Variants in SLC4A4 observed in about 807,000 individuals in gnomAD.
The protein encoded by SLC4A4 is electrogenic sodium bicarbonate cotransporter 1.
Under a neutral mutation model 111.5 loss-of-function variants are expected in SLC4A4, and 27 were observed. The ratio of observed to expected loss-of-function variants is 0.24; its 90% CI spans 0.18 to 0.33. The LOEUF (loss-of-function observed/expected upper bound fraction) is 0.33, where lower values mean the gene tolerates loss of function less well. Among genes scored for constraint, SLC4A4 ranks in the 10% least tolerant of loss-of-function variants. The probability of loss-of-function intolerance (pLI) is 1.00; values close to 1 mark genes in which losing one functional copy is unlikely to be tolerated. For synonymous variants in SLC4A4, 443 were observed against 463.4 expected, an observed-to-expected ratio of 0.96 and a Z score of 0.57; for missense variants, 909 against 1,315.5, an observed-to-expected ratio of 0.69 and a Z score of 4.78.
intron 1 of SLC4A4, among the ~76,000 whole-genome samples, chr4:71,067,753 C>CA (rs1306222751): frequency 6.8e-6 from 1 of 146,320 alleles, no homozygotes; most frequent in African/African-American, 2.5e-5. Flanking sequence ...GCCTCTTAAA[C>CA]TTTTTTTTTT....
Position 71,567,011 on chromosome 4 carries a change from A to T in SLC4A4, c.3204A>T (p.Arg1068Ser), listed in dbSNP as rs1388648594. The T allele has an allele frequency of 2.5e-6, 4 of 1,609,734 alleles. No individual in the cohort carries two copies. The highest frequency in any genetic ancestry group is 1.7e-5 in the Admixed American group (1 of 59,722). ...LSDSKPSDRE[R>S]SPTFLERHTS... ...AAAAATTTTATTTTCCAGGAGAAAG[A>T]TCACCAACATTCCTTGAACGCCACA... The change falls in exon 25 of 26, where the codon AGA becomes AGT. Residue 1068 changes from arginine to serine, a missense_variant. Arg to Ser is a moderately radical substitution (Grantham distance 110). Around this residue, in one of 7 missense-constraint regions of SLC4A4, gnomAD observed 85 missense variants for 79.8 expected, o/e 1.07. Transcript: ENST00000264485.
chr4:71,412,788 C>T (rs1236371851), intron 7 of SLC4A4, among the ~76,000 whole-genome samples: 6 of 152,148 alleles, frequency 3.9e-5, no homozygotes, highest in African/African-American at 1.2e-4. Flanking sequence ...GATGCTCCTT[C>T]TTTCACTATA....
intron 1 of SLC4A4, among the ~76,000 whole-genome samples, chr4:71,235,872 T>C (rs1214711376): frequency 6.6e-6 from 1 of 152,186 alleles, no homozygotes; most frequent in African/African-American, 2.4e-5. Flanking sequence ...TAGAGAAAGA[T>C]GTGTGATAAG....
At chr4:71,521,768 G>A (rs959797331) in intron 16 of SLC4A4, among the ~76,000 whole-genome samples, 1 of 152,132 alleles carries the variant, frequency 6.6e-6, no homozygotes, top group Admixed American at 6.6e-5. Context: ...GGGGGATAGA[G>A]GATGAATCTG....
intron 1 of SLC4A4, among the ~76,000 whole-genome samples, chr4:71,193,341 A>G (rs1433641757): frequency 1.3e-5 from 2 of 151,986 alleles, no homozygotes; most frequent in Admixed American, 1.3e-4. Flanking sequence ...TTGTATTTTT[A>G]GTAGAGACAG....
chr4:71,320,470 T>C (rs1727033706), intron 3 of SLC4A4, among the ~76,000 whole-genome samples: 2 of 152,024 alleles, frequency 1.3e-5, no homozygotes, highest in South Asian at 2.1e-4. Context: ...ACTCATTCTT[T>C]ATACATTTCT....
chr4:71,312,722 C>T (rs866985449), intron 3 of SLC4A4, among the ~76,000 whole-genome samples: 2 of 152,100 alleles, frequency 1.3e-5, no homozygotes, highest in African/African-American at 4.8e-5. Flanking sequence ...AAATTCAACA[C>T]CCCTTCATAC....
chr4:71,456,619 C>A (rs1309172032), intron 12 of SLC4A4, among the ~76,000 whole-genome samples: 2 of 152,124 alleles, frequency 1.3e-5, no homozygotes, highest in Admixed American at 6.6e-5. Flanking sequence ...GAAGTTGATT[C>A]ATTCCTTGCA....
At chr4:71,165,297 C>T (rs538881371) in intron 2 of SLC4A4, among the ~76,000 whole-genome samples, 30 of 152,262 alleles carry the variant, frequency 2.0e-4, no homozygotes, top group African/African-American at 7.2e-4. Flanking sequence ...AGACTTGGAA[C>T]CAACCCAAAT....
At chr4:71,526,025 A>G (rs776313640) in intron 16 of SLC4A4, among the ~76,000 whole-genome samples, 1 of 152,046 alleles carries the variant, frequency 6.6e-6, no homozygotes, top group South Asian at 2.1e-4. Context: ...CTAGTAGACT[A>G]TGTACTCATT....
At chr4:71,415,456 A>G (rs755389438) in intron 7 of SLC4A4, among the ~76,000 whole-genome samples, 1 of 152,184 alleles carries the variant, frequency 6.6e-6, no homozygotes, top group Non-Finnish European at 1.5e-5. Context: ...TTTTACCTAT[A>G]TCATGTTGTA....
At chr4:71,314,528 C>T (rs1407321611) in intron 3 of SLC4A4, among the ~76,000 whole-genome samples, 38 of 152,270 alleles carry the variant, frequency 2.5e-4, no homozygotes, top group Admixed American at 2.2e-3. Flanking sequence ...AAATGACCAT[C>T]AGTGATTGAC....
At position 71,106,890 on chromosome 4, in the gene SLC4A4, G is replaced by T. The variant is rs566923027; in HGVS notation, c.-2+14098G>T. On this transcript the variant is annotated intron_variant, in intron 2 of 26. Coordinates refer to the SLC4A4 transcript ENST00000649996. ...TATACATATGTAACTAACCTGCACA[G>T]TGTGCACATGTACCCTAAAACTTAA... 1.7e-3 allele frequency among the ~76,000 whole-genome samples: 258 copies of T among 148,668 alleles called. 2 individuals carry two copies. The highest frequency in any genetic ancestry group is 6.1e-3 in the African/African-American group (241 of 39,536).
At chr4:71,157,057 A>C (rs1041517885) in intron 2 of SLC4A4, among the ~76,000 whole-genome samples, 35 of 152,176 alleles carry the variant, frequency 2.3e-4, no homozygotes, top group Non-Finnish European at 1.0e-4. Context: ...TGGATTACTC[A>C]TAGATTGTTT....
chr4:71,486,987 A>G lies in SLC4A4; in HGVS notation c.1943A>G (p.Glu648Gly). The G allele has an allele frequency of 6.2e-7, 1 of 1,602,528 alleles. No individual in the cohort carries two copies. Residue 648 changes from glutamate (E) to glycine (G), a missense_variant, in exon 15 of 26, where the codon GAG (glutamate) becomes GGG (glycine). Physicochemically the swap from Glu to Gly is moderately conservative, Grantham distance 98. Coordinates refer to ENST00000264485, the MANE Select transcript of SLC4A4 (RefSeq NM_001098484.3). The part of the protein sequence containing the change: ...SISNDTTLAP[E>G]YLPTMSSTDM... ...TCTAATGACACCACACTGGCCCCAG[A>G]GTATTTGCCAACTATGTCTTCTACT...
At chr4:71,072,300 G>C (rs1741687704) in intron 1 of SLC4A4, among the ~76,000 whole-genome samples, 1 of 152,146 alleles carries the variant, frequency 6.6e-6, no homozygotes. Context: ...GATGGCTGTT[G>C]TTGTTCCCAA....
chr4:71,112,678 A>C (rs1743122043), intron 2 of SLC4A4, among the ~76,000 whole-genome samples: 1 of 152,178 alleles, frequency 6.6e-6, no homozygotes, highest in Non-Finnish European at 1.5e-5. Flanking sequence ...GCTTGTAGAG[A>C]ATTCAAATAC....
chr4:71,137,201 C>T (rs973305128), intron 2 of SLC4A4, among the ~76,000 whole-genome samples: 1 of 152,142 alleles, frequency 6.6e-6, no homozygotes. Context: ...CCCGCTGACT[C>T]CACTCTGACT....
At chr4:71,546,705 G>A (rs1024627752) in intron 19 of SLC4A4, among the ~76,000 whole-genome samples, 177 bp downstream of exon 19, 21 of 151,814 alleles carry the variant, frequency 1.4e-4, no homozygotes, top group African/African-American at 4.8e-4. Flanking sequence ...GATTTTTTTA[G>A]TTTACTCCTC....
Sources: allele counts gnomAD v4.1 joint callset (sites outside exome capture counted in the v4.1 genomes callset), GRCh38; gene constraint gnomAD v4.1.1; regional missense constraint gnomAD v4.1.1; transcripts MANE v1.5; gene names NCBI Gene and HGNC (gene_info 2026-07-23, HGNC 2026-07-21).